CD36: variants seen among roughly 807,000 people sequenced by gnomAD.
CD36 encodes the protein platelet glycoprotein 4.
CD36 carries 119 observed loss-of-function variants against 55.2 expected under a neutral mutation model. That is an observed-to-expected ratio of 2.15 (90% confidence interval 1.86 to 2.51). The LOEUF is 2.51. Among genes scored for constraint, CD36 ranks in the 30% most tolerant of loss-of-function variants. The pLI, the probability that CD36 is intolerant of heterozygous loss-of-function variation, is 0.00. For synonymous variants in CD36, 186 were observed against 193.6 expected (o/e 0.96, Z 0.33); for missense variants, 819 against 555.5 (o/e 1.47, Z -4.77).
chr7:80,660,076 A>T (rs899483225), intron 4 of CD36, among the ~76,000 whole-genome samples: 1 of 152,176 alleles, frequency 6.6e-6, no homozygotes, highest in African/African-American at 2.4e-5. Context: ...TAAAAAATTC[A>T]GTCCAATTGC....
At position 80,678,310 on chromosome 7, in the gene CD36, G is replaced by T. The variant is rs543282660; in HGVS notation, c.*1927G>T. On this transcript the variant is annotated 3_prime_UTR_variant, in exon 15 of 15. Transcript: ENST00000447544. ...AGAAGCACATTTTCTTTCCAAAGCT[G>T]GTTATTAACCACAGAATTATAGCAG... 1 of 152,052 alleles carries T rather than the reference G, an allele frequency of 6.6e-6. No homozygotes were observed. The highest frequency in any genetic ancestry group is 1.5e-5 in the Non-Finnish European group (1 of 68,022). 9.4% of individuals were successfully genotyped at this position (152,052 alleles called of 1,614,324 possible).
At chr7:80,614,037 T>G (rs1206950786) in intron 1 of CD36, among the ~76,000 whole-genome samples, 1 of 152,162 alleles carries the variant, frequency 6.6e-6, no homozygotes, top group East Asian at 1.9e-4. Context: ...TAGCAGCAGT[T>G]GTCTATTTGA....
chr7:80,610,521 C>T (rs10268417), intron 1 of CD36, among the ~76,000 whole-genome samples: 3 of 151,558 alleles, frequency 2.0e-5, no homozygotes, highest in Non-Finnish European at 4.4e-5. Context: ...CCTCTATCTT[C>T]TTTTGAACAT....
intron 1 of CD36, among the ~76,000 whole-genome samples, chr7:80,633,551 C>T (rs1346181622): frequency 1.3e-5 from 2 of 152,018 alleles, no homozygotes; most frequent in African/African-American, 4.8e-5. Context: ...ATTTCACTAG[C>T]ATTACATGAT....
At chr7:80,651,753 CA>C (rs963086557) in intron 3 of CD36, among the ~76,000 whole-genome samples, 1 of 151,872 alleles carries the variant, frequency 6.6e-6, no homozygotes, top group African/African-American at 2.4e-5. Context: ...ACGAATAATA[CA>C]AAAAAATTAG....
upstream of CD36, chr7:80,636,706 A>G (rs1794433924): frequency 6.6e-6 from 1 of 152,110 alleles, no homozygotes; most frequent in Non-Finnish European, 1.5e-5. Context: ...CATAGTCTTT[A>G]AAAAAATGAA....
intron 12 of CD36, 64 bp downstream of exon 12, chr7:80,672,907 A>G (rs1180196176): frequency 9.6e-7 from 1 of 1,040,508 alleles, no homozygotes; most frequent in Non-Finnish European, 1.5e-6. Flanking sequence ...TCTTGTAAGA[A>G]CATGAGTAAA....
intron 1 of CD36, among the ~76,000 whole-genome samples, chr7:80,624,381 G>A (rs1793636344): frequency 6.6e-6 from 1 of 151,986 alleles, no homozygotes; most frequent in Non-Finnish European, 1.5e-5. Flanking sequence ...AGGCATTTAG[G>A]CAGCCTGTTT....
chr7:80,672,583 AAATT>A (rs1797800501), intron 11 of CD36, among the ~76,000 whole-genome samples, 183 bp from the exon 12 acceptor site: 1 of 151,480 alleles, frequency 6.6e-6, no homozygotes, highest in Non-Finnish European at 1.5e-5. Context: ...TTGGGCAAAT[AAATT>A]GTGTGTATCT....
intron 12 of CD36, 133 bp downstream of exon 12, chr7:80,672,976 C>A: frequency 1.4e-6 from 1 of 698,172 alleles, no homozygotes. Context: ...TTAATGTCAC[C>A]AATCATTATT....
intron 14 of CD36, among the ~76,000 whole-genome samples, chr7:80,675,911 C>G (rs1214001270): frequency 6.6e-6 from 1 of 151,986 alleles, no homozygotes; most frequent in African/African-American, 2.4e-5. Flanking sequence ...AAATGCTGGT[C>G]CAGGGCAGAT....
At position 80,673,974 on chromosome 7, in the gene CD36, T is replaced by A; in HGVS notation, c.1255-9T>A. On this transcript the variant is annotated splice_polypyrimidine_tract_variant and intron_variant, in intron 13 of 14. Transcript: ENST00000447544. ...ACCCAAATAATGTTGATTATTAACT[T>A]GATTACAGACTGGGACCATTGGTGA... is the stretch of plus-strand genomic sequence containing the variant. The A allele has an allele frequency of 6.2e-7, 1 of 1,608,864 alleles. No homozygotes were observed. Among genetic ancestry groups the A allele is most frequent in the Non-Finnish European group, 8.5e-7 (1 of 1,175,974 alleles).
At position 80,669,950 on chromosome 7, in the gene CD36, C is replaced by G. The variant is rs761501280; in HGVS notation, c.749-3C>G. On this transcript the variant is annotated splice_region_variant and splice_polypyrimidine_tract_variant and intron_variant, in intron 8 of 14. Transcript: ENST00000447544. ...AATCATTTGCCACTCGATTTTTAAA[C>G]AGATGCAGCCTCATTTCCACCTTTT... 1.9e-6 allele frequency: 3 copies of G among 1,608,684 alleles called. No individual in the cohort carries two copies. In the South Asian group the frequency reaches 3.3e-5, roughly 18 times the overall value.
rs185844250 is a variant in CD36, at chr7:80,632,907, C to T, written c.-183-13181C>T. 2.6e-5 allele frequency among the ~76,000 whole-genome samples: 4 copies of T among 151,890 alleles called. No homozygotes were observed. In the East Asian group the frequency reaches 5.8e-4, roughly 22 times the overall value. ...ATGACAATGAATTTTTTCTTTCTGC[C>T]CGGTAAAAATTCAAAATTCATTAAT... On this transcript the variant is annotated intron_variant, in intron 1 of 13. Transcript: ENST00000309881.
At chr7:80,651,679 G>T (rs1185505857) in intron 3 of CD36, among the ~76,000 whole-genome samples, 1 of 152,022 alleles carries the variant, frequency 6.6e-6, no homozygotes, top group Admixed American at 6.6e-5. Flanking sequence ...AGGCTGAGAC[G>T]GGTGGATCAC....
intron 3 of CD36, among the ~76,000 whole-genome samples, chr7:80,650,329 G>T (rs1326820396): frequency 6.6e-6 from 1 of 152,126 alleles, no homozygotes; most frequent in Non-Finnish European, 1.5e-5. Flanking sequence ...GTCATATGAA[G>T]TAGGTGGAAT....
At chr7:80,666,857 TA>T (rs1269301449) in intron 8 of CD36, among the ~76,000 whole-genome samples, 1 of 152,058 alleles carries the variant, frequency 6.6e-6, no homozygotes, top group South Asian at 2.1e-4. Context: ...TTGAAAGAAT[TA>T]AAAAAAGCTA....
intron 3 of CD36, among the ~76,000 whole-genome samples, chr7:80,654,702 G>A (rs1795904104): frequency 6.6e-6 from 1 of 152,090 alleles, no homozygotes; most frequent in South Asian, 2.1e-4. Flanking sequence ...ACTCTAGCAG[G>A]TCCAATGTAC....
At chr7:80,675,645 G>C (rs751595773) in intron 14 of CD36, among the ~76,000 whole-genome samples, 2 of 151,942 alleles carry the variant, frequency 1.3e-5, no homozygotes, top group African/African-American at 2.4e-5. Flanking sequence ...TGATTTACTA[G>C]ATTTAGAAGA....
Sources: allele counts gnomAD v4.1 joint callset (sites outside exome capture counted in the v4.1 genomes callset), GRCh38; gene constraint gnomAD v4.1.1; transcripts MANE v1.5; gene names NCBI Gene and HGNC (gene_info 2026-07-23, HGNC 2026-07-21).